CASR: variants seen among roughly 807,000 people sequenced by gnomAD.
CASR encodes calcium sensing receptor.
A neutral mutation model predicts 69.1 loss-of-function variants in CASR; 23 were observed. The ratio of observed to expected loss-of-function variants is 0.33; its 90% CI spans 0.24 to 0.47. CASR has a LOEUF of 0.47. Ranked by LOEUF, CASR falls within the 20% of genes least tolerant of loss-of-function variation. The pLI is 1.00. For synonymous variants in CASR, 541 were observed against 544.7 expected (o/e 0.99, Z 0.10); for missense variants, 924 against 1,356.1 (o/e 0.68, Z 5.00).
intron 1 of CASR, among the ~76,000 whole-genome samples, chr3:122,203,999 A>G (rs1364847203): frequency 1.3e-5 from 2 of 152,042 alleles, no homozygotes; most frequent in Non-Finnish European, 1.5e-5. Flanking sequence ...TAGTTTGTGG[A>G]TACCTGTGAT....
At chr3:122,274,753 A>G (rs3792289) in intron 4 of CASR, among the ~76,000 whole-genome samples, 43,862 of 152,080 alleles carry the variant, frequency 0.29, 7,575 homozygotes, top group East Asian at 0.55. Context: ...CCAAAAAAAA[A>G]TTAGCTCAGA....
intron 1 of CASR, among the ~76,000 whole-genome samples, chr3:122,200,339 T>C (rs1254362145): frequency 6.6e-6 from 1 of 152,168 alleles, no homozygotes; most frequent in Non-Finnish European, 1.5e-5. Flanking sequence ...CCCCATAAAA[T>C]GTATAATTAT....
chr3:122,264,941 G>A (rs985423055), intron 4 of CASR, among the ~76,000 whole-genome samples: 11 of 152,186 alleles, frequency 7.2e-5, no homozygotes, highest in African/African-American at 2.7e-4. Flanking sequence ...CTCCATGTCT[G>A]CCTTCTCTCA....
intron 1 of CASR, among the ~76,000 whole-genome samples, chr3:122,219,961 A>G (rs984974391): frequency 6.6e-6 from 1 of 152,148 alleles, no homozygotes; most frequent in African/African-American, 2.4e-5. Flanking sequence ...ACATGAGGTA[A>G]AATATTCAGG....
chr3:122,224,262 A>G lies in CASR; in HGVS notation c.-242-29686A>G, dbSNP rs2074201293. Among the ~76,000 whole-genome samples, 4 of 152,138 alleles carry G rather than the reference A, an allele frequency of 2.6e-5. No homozygotes were observed. In the South Asian group the frequency reaches 8.3e-4, roughly 32 times the overall value. On this transcript the variant is annotated intron_variant, in intron 1 of 6. Transcript: ENST00000639785. ...AAAGGAAGTCAAGGTTTCTCTCTTC[A>G]CAAACAATATGATTCTATACCTAGA... is the stretch of plus-strand genomic sequence containing the variant.
intron 4 of CASR, among the ~76,000 whole-genome samples, chr3:122,270,892 G>A (rs2074750222): frequency 6.6e-6 from 1 of 152,022 alleles, no homozygotes; most frequent in Non-Finnish European, 1.5e-5. Flanking sequence ...TAAATTTATT[G>A]AAACTTGCTT....
At chr3:122,197,638 G>A (rs900215384) in intron 1 of CASR, among the ~76,000 whole-genome samples, 8 of 151,936 alleles carry the variant, frequency 5.3e-5, no homozygotes, top group African/African-American at 1.9e-4. Flanking sequence ...AGGGTGTTTT[G>A]TTTGATCCAG....
intron 1 of CASR, among the ~76,000 whole-genome samples, chr3:122,217,005 C>T (rs2074123395): frequency 6.6e-6 from 1 of 152,154 alleles, no homozygotes; most frequent in Non-Finnish European, 1.5e-5. Context: ...ACCTCATCCA[C>T]GTGGAGCTGA....
Position 122,282,173 on chromosome 3 carries a change from G to C in CASR, c.1669G>C (p.Gly557Arg). The C allele has an allele frequency of 6.2e-7, 1 of 1,614,178 alleles. No individual in the cohort carries two copies. Among genetic ancestry groups the C allele is most frequent in the Non-Finnish European group, 8.5e-7 (1 of 1,180,020 alleles). ...AGGGACCAGGAAAGGGATCATTGAG[G>C]GGGAGCCCACCTGCTGCTTTGAGTG... ...LAGTRKGIIEGEPTCCFECVE... is the reference protein window; with the variant it reads ...LAGTRKGIIEREPTCCFECVE... Residue 557 changes from glycine (G) to arginine (R), a missense_variant, in exon 6 of 7, where the codon GGG (glycine) becomes CGG (arginine). By Grantham distance (125) the Gly-to-Arg change is moderately radical (BLOSUM62 -2). Around this residue, in one of 8 missense-constraint regions of CASR, gnomAD observed 310 missense variants for 395.7 expected, o/e 0.78. Coordinates refer to ENST00000639785, the MANE Select transcript of CASR (RefSeq NM_000388.4).
At chr3:122,252,258 C>T (rs2074490893) in intron 1 of CASR, among the ~76,000 whole-genome samples, 1 of 149,648 alleles carries the variant, frequency 6.7e-6, no homozygotes, top group South Asian at 2.1e-4. Context: ...GTGATGGCGC[C>T]ACTGCATTCC....
chr3:122,191,306 T>G (rs2073837327), intron 1 of CASR, among the ~76,000 whole-genome samples: 1 of 152,182 alleles, frequency 6.6e-6, no homozygotes, highest in South Asian at 2.1e-4. Context: ...GGTTTTTTTG[T>G]TTTTTGTTTC....
intron 1 of CASR, among the ~76,000 whole-genome samples, chr3:122,195,690 A>G (rs1273594973): frequency 1.3e-5 from 2 of 152,228 alleles, no homozygotes; most frequent in Non-Finnish European, 2.9e-5. Flanking sequence ...GGGGAAACTG[A>G]ACTTTAGTCA....
rs767726621 is a variant in CASR at position 122,261,863 on chromosome 3, T to C, written c.828T>C (p.Leu276=). Reference sequence around the variant, plus strand: ...TGGTTTTCTCCAGTGGCCCAGATCTTGAGCCCCTCATCAAGGAGATTGTCC... The same window carrying C: ...TGGTTTTCTCCAGTGGCCCAGATCTCGAGCCCCTCATCAAGGAGATTGTCC... The part of the protein sequence containing the change: ...VIVVFSSGPD[L]EPLIKEIVRR... Residue 276 remains leucine, a synonymous_variant, in exon 4 of 7, where the codon CTT becomes CTC. Transcript: ENST00000639785. 4 of 1,614,222 alleles carry C rather than the reference T, an allele frequency of 2.5e-6. No homozygotes were observed. The highest frequency in any genetic ancestry group is 3.3e-4 in the Middle Eastern group (2 of 6,062).
At chr3:122,224,715 A>G (rs191941706) in intron 1 of CASR, among the ~76,000 whole-genome samples, 1 of 152,316 alleles carries the variant, frequency 6.6e-6, no homozygotes, top group East Asian at 1.9e-4. Context: ...GTAGAACCAA[A>G]AAAGACCCTG....
intron 1 of CASR, among the ~76,000 whole-genome samples, chr3:122,215,403 A>G (rs2074108254): frequency 6.6e-6 from 1 of 151,980 alleles, no homozygotes; most frequent in South Asian, 2.1e-4. Context: ...TACATCCACA[A>G]CTCATAATTA....
chr3:122,202,947 A>T (rs1189678041), intron 1 of CASR, among the ~76,000 whole-genome samples: 3 of 152,184 alleles, frequency 2.0e-5, no homozygotes, highest in Non-Finnish European at 4.4e-5. Context: ...ACCATCTGTC[A>T]ATTATCAAGG....
Position 122,224,857 on chromosome 3 carries a change from G to C in CASR, c.-242-29091G>C, listed in dbSNP as rs926336485. Among the ~76,000 whole-genome samples the C allele has an allele frequency of 8.5e-5, 13 of 152,188 alleles. No homozygotes were observed. The South Asian group carries it at 1.5e-3, about 17-fold the overall frequency. On this transcript the variant is annotated intron_variant, in intron 1 of 6. Transcript: ENST00000639785. ...ACAAAAACAGACACATAGACCAATG[G>C]AACAGGATAGAGAACCTAGACGTAA...
At chr3:122,215,513 G>A (rs6783556) in intron 1 of CASR, among the ~76,000 whole-genome samples, 110,334 of 152,124 alleles carry the variant, frequency 0.73, 40,244 homozygotes, top group Admixed American at 0.82. Context: ...AGATTATTAC[G>A]GAGATCTCAA....
At chr3:122,237,091 T>C (rs9839060) in intron 1 of CASR, among the ~76,000 whole-genome samples, 3,020 of 150,374 alleles carry the variant, frequency 0.02, 101 homozygotes, top group African/African-American at 0.07. Flanking sequence ...GAGATGCTAA[T>C]TGTAGCTAAC....
Sources: allele counts gnomAD v4.1 joint callset (sites outside exome capture counted in the v4.1 genomes callset), GRCh38; gene constraint gnomAD v4.1.1; regional missense constraint gnomAD v4.1.1; transcripts MANE v1.5; gene names NCBI Gene and HGNC (gene_info 2026-07-23, HGNC 2026-07-21).